The following CHEK2 variants were observed in gnomAD, a reference collection of about 807,000 sequenced individuals.
CHEK2 encodes the protein serine/threonine-protein kinase Chk2.
In CHEK2, 71 loss-of-function variants were observed where a neutral mutation model predicts 69.1. The observed-to-expected ratio is 1.03, with a 90% CI of 0.85 to 1.25. CHEK2 has a LOEUF of 1.25. Ranked by LOEUF, CHEK2 falls within the 50% of genes most tolerant of loss-of-function variation. CHEK2 has a pLI of 0.00. For synonymous variants in CHEK2, 189 were observed against 226.9 expected (o/e 0.83, Z 1.50); for missense variants, 664 against 649.6 (o/e 1.02, Z -0.24).
chr22:28,696,943 C>A lies in CHEK2; in HGVS notation c.1053G>T (p.Glu351Asp), dbSNP rs587782268. 6.5e-5 allele frequency: 105 copies of A among 1,613,522 alleles called. No homozygotes were observed. The highest frequency in any genetic ancestry group is 5.9e-4 in the South Asian group (54 of 91,052). The change falls in exon 10 of 15, where the codon GAG becomes GAT. Residue 351 changes from glutamate (E) to aspartate (D), a missense_variant. Physicochemically the swap from Glu to Asp is conservative, Grantham distance 45. Transcript: ENST00000404276. Reference sequence around the variant, plus strand: ...CTTCTTGAGATGACAGTAAAACATTCTCTGGCTTTAAGTCACGGTGTATAA... The same window carrying A: ...CTTCTTGAGATGACAGTAAAACATTATCTGGCTTTAAGTCACGGTGTATAA... ...NGIIHRDLKPENVLLSSQEED... is the reference protein window; with the variant it reads ...NGIIHRDLKPDNVLLSSQEED...
In CHEK2 at chr22:28,703,504, C is replaced by A. The variant is rs587781699; in HGVS notation, c.908+1G>T. 2 of 1,413,272 alleles carry A rather than the reference C, an allele frequency of 1.4e-6. No homozygotes were observed. Among genetic ancestry groups the A allele is most frequent in the Non-Finnish European group, 9.9e-7 (1 of 1,009,744 alleles). 87.5% of individuals were successfully genotyped at this position (1,413,272 alleles called of 1,614,324 possible). Reference sequence around the variant, plus strand: ...AAATTTTTAAAAAGTTTACTACTTACAATTCCAAAACAATATAATAATCTT... The same window carrying A: ...AAATTTTTAAAAAGTTTACTACTTAAAATTCCAAAACAATATAATAATCTT... On this transcript the variant is annotated splice_donor_variant, in intron 8 of 14. Transcript: ENST00000404276. LOFTEE classifies it high-confidence loss of function.
At chr22:28,706,280 A>G (rs748050007) in intron 7 of CHEK2, among the ~76,000 whole-genome samples, 8 of 147,598 alleles carry the variant, frequency 5.4e-5, no homozygotes, top group Non-Finnish European at 7.5e-5. Flanking sequence ...TAGCCTGGCA[A>G]CAGAGCAACA....
intron 7 of CHEK2, among the ~76,000 whole-genome samples, chr22:28,707,802 A>G (rs1269204584): frequency 6.6e-6 from 1 of 150,920 alleles, no homozygotes; most frequent in African/African-American, 2.4e-5. Context: ...CTGACATCAG[A>G]GAAAATTCCC....
chr22:28,696,297 C>T (rs772964028), intron 10 of CHEK2, among the ~76,000 whole-genome samples: 1 of 152,172 alleles, frequency 6.6e-6, no homozygotes, highest in Non-Finnish European at 1.5e-5. Flanking sequence ...GCCTGGGTGT[C>T]ATAAATCCTA....
intron 13 of CHEK2, among the ~76,000 whole-genome samples, chr22:28,692,392 T>C (rs1042371057): frequency 1.3e-5 from 2 of 152,266 alleles, no homozygotes; most frequent in African/African-American, 4.8e-5. Context: ...TGTGGTCTAT[T>C]AAATGCTAAA....
intron 2 of CHEK2, among the ~76,000 whole-genome samples, chr22:28,733,576 G>A (rs1300435562): frequency 3.3e-5 from 5 of 152,082 alleles, no homozygotes; most frequent in African/African-American, 1.2e-4. Flanking sequence ...ACTAACTAAG[G>A]CAGGAAAATA....
intron 4 of CHEK2, among the ~76,000 whole-genome samples, chr22:28,722,082 T>G (rs2053806848): frequency 6.6e-6 from 1 of 152,034 alleles, no homozygotes; most frequent in Non-Finnish European, 1.5e-5. Flanking sequence ...TTTAATTTTT[T>G]TAAAAGAGGA....
rs864622537 is a variant in CHEK2, at chr22:28,696,963, G to A, written c.1033C>T (p.His345Tyr). 1.4e-5 allele frequency: 23 copies of A among 1,612,416 alleles called. No individual in the cohort carries two copies. Among genetic ancestry groups the A allele is most frequent in the Non-Finnish European group, 2.0e-5 (23 of 1,178,538 alleles). Residue 345 changes from histidine to tyrosine, a missense_variant, in exon 10 of 15, where the codon CAC (histidine) becomes TAC (tyrosine). By Grantham distance (83) the His-to-Tyr change is moderately conservative. Coordinates refer to ENST00000404276, the MANE Select transcript of CHEK2 (RefSeq NM_007194.4). ...ACATTCTCTGGCTTTAAGTCACGGT[G>A]TATAATACCGTTTTCATGAAGGTAC... ...VQYLHENGII[H>Y]RDLKPENVLL...
At position 28,713,391 on chromosome 22, in the gene CHEK2, G is replaced by A. The variant is rs546082393; in HGVS notation, c.684-1374C>T. On this transcript the variant is annotated intron_variant, in intron 5 of 14. Transcript: ENST00000404276. ...TTTTTTTTTTTTGAGATGGAGTCTC[G>A]CTCAGTCGCCCAGGCTGGAGTGCAG... Among the ~76,000 whole-genome samples the A allele has an allele frequency of 4.1e-5, 6 of 148,148 alleles. No individual in the cohort carries two copies. In the East Asian group the frequency reaches 9.8e-4, roughly 24 times the overall value.
At chr22:28,720,390 C>CAA (rs960853254) in intron 4 of CHEK2, among the ~76,000 whole-genome samples, 1 of 119,882 alleles carries the variant, frequency 8.3e-6, no homozygotes. Flanking sequence ...TGTGCCCAGC[C>CAA]AAAAAAAAAA....
chr22:28,710,080 G>T, intron 6 of CHEK2, 21 bp from the exon 7 acceptor site: 1 of 1,457,592 alleles, frequency 6.9e-7, no homozygotes, highest in Non-Finnish European at 9.6e-7. Context: ...CAGAATAACA[G>T]AGTTTATTAG....
intron 2 of CHEK2, chr22:28,726,455 T>C (rs1311036966): frequency 1.4e-5 from 2 of 146,858 alleles, no homozygotes; most frequent in African/African-American, 4.9e-5. Context: ...GTATTTATTA[T>C]ACATGTTATA....
At chr22:28,710,161 C>A in intron 6 of CHEK2, 102 bp from the exon 7 acceptor site, 2 of 735,984 alleles carry the variant, frequency 2.7e-6, no homozygotes, top group Non-Finnish European at 4.7e-6. Context: ...GCCTGAGTTC[C>A]AAACCCAGCT....
chr22:28,727,080 C>T (rs1347632482), intron 2 of CHEK2, among the ~76,000 whole-genome samples: 8 of 152,110 alleles, frequency 5.3e-5, no homozygotes, highest in Admixed American at 5.2e-4. Flanking sequence ...CTCGCTCTGT[C>T]GCCCAGGCTG....
At chr22:28,724,108 A>C (rs1419917719) in intron 4 of CHEK2, among the ~76,000 whole-genome samples, 1 of 152,172 alleles carries the variant, frequency 6.6e-6, no homozygotes, top group Non-Finnish European at 1.5e-5. Flanking sequence ...TCACCATGAT[A>C]ATTCAATTAA....
At chr22:28,731,549 T>A (rs2054215550) in intron 2 of CHEK2, among the ~76,000 whole-genome samples, 1 of 152,076 alleles carries the variant, frequency 6.6e-6, no homozygotes, top group Non-Finnish European at 1.5e-5. Flanking sequence ...TGAGCCAAGA[T>A]CGTACCACTG....
chr22:28,718,422 C>A (rs1193239411), intron 5 of CHEK2, among the ~76,000 whole-genome samples: 1 of 152,086 alleles, frequency 6.6e-6, no homozygotes, highest in African/African-American at 2.4e-5. Flanking sequence ...AATCCCACTT[C>A]TGGATATATA....
intron 5 of CHEK2, among the ~76,000 whole-genome samples, chr22:28,714,536 T>G (rs1308806996): frequency 6.6e-6 from 1 of 152,252 alleles, no homozygotes. Context: ...ATTCTAGACA[T>G]AAGCCCTTAT....
intron 5 of CHEK2, among the ~76,000 whole-genome samples, chr22:28,717,867 G>C (rs1323243510): frequency 6.6e-6 from 1 of 151,904 alleles, no homozygotes; most frequent in East Asian, 1.9e-4. Context: ...GGCAACAAGA[G>C]ACCACACCAT....
Sources: gnomAD v4.1 joint callset for allele counts (sites outside exome capture counted in the v4.1 genomes callset) on GRCh38, gnomAD v4.1.1 for gene constraint, MANE v1.5 for transcripts, NCBI Gene and HGNC (gene_info 2026-07-23, HGNC 2026-07-21) for gene names.